APBB2: variants seen among roughly 807,000 people sequenced by gnomAD.
APBB2 encodes Fe65-like 1.
In APBB2, 38 loss-of-function variants were observed where a neutral mutation model predicts 82.5. That is an observed-to-expected ratio of 0.46 (90% CI 0.36 to 0.60). The LOEUF (loss-of-function observed/expected upper bound fraction) is 0.60. Ranked by LOEUF, APBB2 falls within the 20% of genes least tolerant of loss-of-function variation. APBB2 has a pLI of 0.00. For missense variants in APBB2, 772 were observed against 972.3 expected (o/e 0.79, Z 2.74); for synonymous variants, 341 against 368.2 (o/e 0.93, Z 0.85).
intron 1 of APBB2, among the ~76,000 whole-genome samples, chr4:41,174,745 G>C (rs889450705): frequency 6.6e-6 from 1 of 152,108 alleles, no homozygotes; most frequent in South Asian, 2.1e-4. Context: ...GAAGAACTAC[G>C]TGACCACATA....
At position 40,813,345 on chromosome 4, in the gene APBB2, T is replaced by C. The variant is rs981994410; in HGVS notation, c.*2747A>G. Reference sequence around the variant, plus strand: ...CTGTATTTAACAGGTTAATTAAAAATATGGTAAGACATAGAAGGCATCGTG... The same window carrying C: ...CTGTATTTAACAGGTTAATTAAAAACATGGTAAGACATAGAAGGCATCGTG... On this transcript the variant is annotated 3_prime_UTR_variant, in exon 18 of 18. Transcript: ENST00000508593. The C allele has an allele frequency of 6.6e-6, 1 of 152,236 alleles. No individual in the cohort carries two copies. The highest frequency in any genetic ancestry group is 2.4e-5 in the African/African-American group (1 of 41,546). 9.4% of individuals were successfully genotyped at this position (152,236 alleles called of 1,614,324 possible). A position where few individuals can be genotyped will look rare whatever the true frequency, so the allele number is the denominator to read the frequency against.
intron 12 of APBB2, among the ~76,000 whole-genome samples, chr4:40,860,790 AT>A (rs1020282264): frequency 2.9e-4 from 44 of 152,234 alleles, no homozygotes; most frequent in Middle Eastern, 3.4e-3. Flanking sequence ...TTTTTAACCG[AT>A]TTTTTTATAT....
At chr4:41,007,837 G>C (rs888422776) in intron 6 of APBB2, among the ~76,000 whole-genome samples, 1 of 152,188 alleles carries the variant, frequency 6.6e-6, no homozygotes, top group Non-Finnish European at 1.5e-5. Flanking sequence ...ACATAATGAA[G>C]ACGTGGCTGC....
rs1744216208 is a variant in APBB2, at chr4:40,810,599, A to AAAG, written c.*5490_*5492dup. The AAAG allele has an allele frequency of 1.3e-5, 2 of 151,556 alleles. No homozygotes were observed. The highest frequency in any genetic ancestry group is 2.9e-5 in the Non-Finnish European group (2 of 67,906). The allele number at this position is 151,556 out of a possible 1,614,324, so 9.4% of individuals were successfully genotyped here. On this transcript the variant is annotated 3_prime_UTR_variant, in exon 18 of 18. Coordinates refer to ENST00000508593, the MANE Select transcript of APBB2 (RefSeq NM_004307.2). ...CCTCAAAAAAAAAAAAAAAAAAAAA[A>AAAG]AAGTGTCAATGAAGAAAGGAAACAA...
chr4:41,168,807 A>G (rs141577674), intron 1 of APBB2, among the ~76,000 whole-genome samples: 296 of 152,262 alleles, frequency 1.9e-3, no homozygotes, highest in African/African-American at 6.6e-3. Context: ...TTTACAATAG[A>G]AAGTTTTCTA....
At chr4:40,864,914 A>G (rs1763692566) in intron 12 of APBB2, among the ~76,000 whole-genome samples, 1 of 144,486 alleles carries the variant, frequency 6.9e-6, no homozygotes, top group Admixed American at 7.2e-5. Flanking sequence ...GCTGGAGGGT[A>G]GTAGTGCAAT....
intron 1 of APBB2, among the ~76,000 whole-genome samples, chr4:41,165,886 T>G (rs1392540713): frequency 6.7e-6 from 1 of 149,048 alleles, no homozygotes; most frequent in Non-Finnish European, 1.5e-5. Context: ...TTTTTTTTTT[T>G]TTTTTGAGAC....
At chr4:41,081,172 A>T (rs1230866674) in intron 3 of APBB2, among the ~76,000 whole-genome samples, 1 of 152,230 alleles carries the variant, frequency 6.6e-6, no homozygotes, top group Non-Finnish European at 1.5e-5. Context: ...TGAAGAGCTG[A>T]GATAAATTTA....
intron 6 of APBB2, among the ~76,000 whole-genome samples, chr4:40,983,430 TAGC>T (rs1799624542): frequency 6.6e-6 from 1 of 152,200 alleles, no homozygotes; most frequent in Non-Finnish European, 1.5e-5. Flanking sequence ...TATTGGGAAA[TAGC>T]AGATATTTCA....
At chr4:40,970,978 TCC>T (rs1349524348) in intron 6 of APBB2, among the ~76,000 whole-genome samples, 2 of 152,130 alleles carry the variant, frequency 1.3e-5, no homozygotes, top group African/African-American at 4.8e-5. Flanking sequence ...AACTAAACAG[TCC>T]CCTTCTGACT....
chr4:40,967,870 G>T (rs1004400648), intron 6 of APBB2, among the ~76,000 whole-genome samples: 1 of 152,182 alleles, frequency 6.6e-6, no homozygotes. Flanking sequence ...TAAGCACAGT[G>T]CCTGGGACAT....
At chr4:41,102,260 T>A (rs887573574) in intron 2 of APBB2, among the ~76,000 whole-genome samples, 1 of 152,172 alleles carries the variant, frequency 6.6e-6, no homozygotes. Context: ...GACAGAACCC[T>A]GCAAACACCA....
chr4:40,821,617 G>A (rs879919592), intron 17 of APBB2, among the ~76,000 whole-genome samples: 4 of 152,138 alleles, frequency 2.6e-5, no homozygotes, highest in Admixed American at 2.0e-4. Context: ...AGGATTGACC[G>A]TCGTCAAGGT....
At chr4:40,880,650 A>C (rs1768205666) in intron 12 of APBB2, 2 of 985,304 alleles carry the variant, frequency 2.0e-6, no homozygotes, top group Non-Finnish European at 2.4e-6. Flanking sequence ...TTGAGGATGG[A>C]CACAGAGAAT....
At chr4:41,027,404 T>TATATATATATATATATAA (rs1426043208) in intron 5 of APBB2, among the ~76,000 whole-genome samples, 3 of 130,514 alleles carry the variant, frequency 2.3e-5, no homozygotes, top group African/African-American at 5.8e-5. Flanking sequence ...TATATATATA[T>TATATATATATATATATAA]AACATTTTCA....
intron 10 of APBB2, among the ~76,000 whole-genome samples, chr4:40,930,659 T>A (rs1233530435): frequency 6.6e-6 from 1 of 152,068 alleles, no homozygotes; most frequent in East Asian, 1.9e-4. Flanking sequence ...AAGTAGGGAG[T>A]AAGGAAGATA....
At chr4:40,867,199 G>A (rs1764243444) in intron 12 of APBB2, among the ~76,000 whole-genome samples, 1 of 152,154 alleles carries the variant, frequency 6.6e-6, no homozygotes, top group South Asian at 2.1e-4. Flanking sequence ...GACACAGCAT[G>A]ACCTACAAAG....
chr4:40,932,498 A>G (rs1784435823), intron 10 of APBB2, among the ~76,000 whole-genome samples: 1 of 152,218 alleles, frequency 6.6e-6, no homozygotes, highest in African/African-American at 2.4e-5. Flanking sequence ...AAAGGAGTCA[A>G]GGTTTTGAAC....
At chr4:41,181,398 C>A (rs934311608) in intron 1 of APBB2, among the ~76,000 whole-genome samples, 6 of 152,186 alleles carry the variant, frequency 3.9e-5, no homozygotes, top group Non-Finnish European at 8.8e-5. Context: ...GATTTTAAGA[C>A]ACGTGAAAGA....
Sources: allele counts gnomAD v4.1 joint callset (sites outside exome capture counted in the v4.1 genomes callset), GRCh38; gene constraint gnomAD v4.1.1; transcripts MANE v1.5; gene names NCBI Gene and HGNC (gene_info 2026-07-23, HGNC 2026-07-21).